The following NEK5 variants were observed in gnomAD, a reference collection of about 807,000 sequenced individuals.
NEK5 encodes the protein serine/threonine-protein kinase Nek5.
Under a neutral mutation model 109.2 loss-of-function variants are expected in NEK5, and 88 were observed. That is an observed-to-expected ratio of 0.81 (90% CI 0.68 to 0.96). The LOEUF (loss-of-function observed/expected upper bound fraction) is 0.96. Ranked by LOEUF, NEK5 falls within the 40% of genes least tolerant of loss-of-function variation. NEK5 has a pLI of 0.00. For synonymous variants in NEK5, 283 were observed against 299.9 expected (o/e 0.94, Z 0.58); for missense variants, 834 against 920.7 (o/e 0.91, Z 1.22).
chr13:52,097,563 T>G (rs1335921683), intron 12 of NEK5, among the ~76,000 whole-genome samples: 1 of 152,238 alleles, frequency 6.6e-6, no homozygotes, highest in African/African-American at 2.4e-5. Flanking sequence ...ACCCTTTGTT[T>G]TGGCTGATTT....
rs778697744 is a variant in NEK5 at position 52,053,265 on chromosome 13, G to A, written c.2111-3044C>T. 3.9e-5 allele frequency among the ~76,000 whole-genome samples: 6 copies of A among 152,012 alleles called. No individual in the cohort carries two copies. The South Asian group carries it at 8.3e-4, about 21-fold the overall frequency. On this transcript the variant is annotated intron_variant, in intron 22 of 23. Transcript: ENST00000684899. ...GCAGTGAGCCGAAACTCCAACCTGC[G>A]TAACAAAGTGAGACTCCGTCTCAAA... is the stretch of plus-strand genomic sequence containing the variant.
chr13:52,128,267 G>T (rs758373247), intron 1 of NEK5, among the ~76,000 whole-genome samples: 5 of 151,914 alleles, frequency 3.3e-5, no homozygotes, highest in Non-Finnish European at 7.4e-5. Context: ...GGTTTACCAA[G>T]AATTGTTCAC....
rs191389198 is a variant in NEK5 at position 52,099,637 on chromosome 13, T to C, written c.1026+106A>G. The C allele has an allele frequency of 2.0e-5, 25 of 1,276,712 alleles. No homozygotes were observed. In the Admixed American group the frequency reaches 4.2e-4, roughly 21 times the overall value. The allele number at this position is 1,276,712 out of a possible 1,614,324, so 79.1% of individuals were successfully genotyped here. On this transcript the variant is annotated intron_variant, in intron 12 of 23. Coordinates refer to ENST00000684899, the MANE Select transcript of NEK5 (RefSeq NM_001365552.1). The stretch of plus-strand genomic sequence containing the variant: ...GTGAGCCGAGATCGCGCCACTGCAC[T>C]CCAGCCTGGCGACAGAGCGAGACTC...
intron 12 of NEK5, among the ~76,000 whole-genome samples, chr13:52,097,989 A>C (rs1286137702): frequency 1.3e-5 from 2 of 151,120 alleles, no homozygotes. Flanking sequence ...AGTGTGTAGC[A>C]CCTCCCCCTT....
At chr13:52,048,126 G>A (rs889827187) in intron 23 of NEK5, among the ~76,000 whole-genome samples, 2 of 152,208 alleles carry the variant, frequency 1.3e-5, no homozygotes, top group African/African-American at 4.8e-5. Context: ...TAAATCACTA[G>A]AAGGAAGATA....
At chr13:52,103,458 T>G (rs554763479) in intron 9 of NEK5, among the ~76,000 whole-genome samples, 2 of 152,248 alleles carry the variant, frequency 1.3e-5, no homozygotes, top group South Asian at 4.1e-4. Flanking sequence ...CACATTTTGG[T>G]CAGACACTGG....
At chr13:52,065,442 T>C (rs1012761461) in intron 21 of NEK5, 42 bp downstream of exon 21, 2 of 1,614,042 alleles carry the variant, frequency 1.2e-6, no homozygotes, top group Non-Finnish European at 1.7e-6. Flanking sequence ...TACGGGTCCT[T>C]GGTCTTCCCT....
At chr13:52,039,332 C>T (rs1954395005) in intron 23 of NEK5, among the ~76,000 whole-genome samples, 1 of 152,160 alleles carries the variant, frequency 6.6e-6, no homozygotes, top group African/African-American at 2.4e-5. Flanking sequence ...GATTGCCAGT[C>T]ATCATGGAGG....
At chr13:52,082,108 G>A (rs565763960) in intron 17 of NEK5, 1 of 185,464 alleles carries the variant, frequency 5.4e-6, no homozygotes, top group East Asian at 1.8e-4. Context: ...CCGAGGTCAG[G>A]AGTTCAAGAC....
intron 15 of NEK5, among the ~76,000 whole-genome samples, 173 bp downstream of exon 15, chr13:52,087,165 T>C (rs148916039): frequency 3.7e-4 from 57 of 152,338 alleles, no homozygotes; most frequent in African/African-American, 1.1e-3. Context: ...AACTTAGCCA[T>C]ATCGCATTAT....
At chr13:52,107,023 C>T (rs1480371487) in intron 8 of NEK5, among the ~76,000 whole-genome samples, 2 of 152,106 alleles carry the variant, frequency 1.3e-5, no homozygotes, top group Non-Finnish European at 2.9e-5. Flanking sequence ...TTCAATCTTT[C>T]TTGCAATAGA....
rs200452383 is a variant in NEK5 at position 52,093,138 on chromosome 13, G to A, written c.1124C>T (p.Pro375Leu). ...TTCTTGAGGAATAGGGTGATAACTTGGTTTGTGGGCTCTCCTCCTCAGCAT... is the reference window on the plus strand; with the variant it reads ...TTCTTGAGGAATAGGGTGATAACTTAGTTTGTGGGCTCTCCTCCTCAGCAT... ...LDMLRRRAHKPSYHPIPQENT... is the reference protein window; with the variant it reads ...LDMLRRRAHKLSYHPIPQENT... The change falls in exon 13 of 24, where the codon CCA becomes CTA. Residue 375 changes from proline to leucine, a missense_variant. Physicochemically the swap from Pro to Leu is moderately conservative, Grantham distance 98 (BLOSUM62 -3). Around this residue, in one of 2 missense-constraint regions of NEK5, gnomAD observed 777 missense variants for 824.7 expected, o/e 0.94. Transcript: ENST00000684899. The A allele has an allele frequency of 8.7e-6, 14 of 1,613,098 alleles. No individual in the cohort carries two copies. The highest frequency in any genetic ancestry group is 1.2e-5 in the Non-Finnish European group (14 of 1,179,258).
At chr13:52,086,501 T>A in intron 15 of NEK5, 138 bp from the exon 16 acceptor site, 1 of 646,736 alleles carries the variant, frequency 1.5e-6, no homozygotes, top group East Asian at 2.7e-5. Context: ...AAGATGATAA[T>A]CTGCCTTATG....
intron 13 of NEK5, among the ~76,000 whole-genome samples, chr13:52,090,298 G>A (rs945153786): frequency 3.3e-5 from 5 of 152,024 alleles, no homozygotes; most frequent in Non-Finnish European, 5.9e-5. Context: ...TAAGTTTTTT[G>A]GAATACGAGT....
intron 20 of NEK5, among the ~76,000 whole-genome samples, chr13:52,066,417 T>C (rs1037904118): frequency 1.3e-5 from 2 of 152,318 alleles, no homozygotes; most frequent in East Asian, 1.9e-4. Context: ...ATTTGCTTTA[T>C]TACAGCTTTT....
At chr13:52,073,669 T>C (rs1159396429) in intron 19 of NEK5, among the ~76,000 whole-genome samples, 1 of 152,000 alleles carries the variant, frequency 6.6e-6, no homozygotes, top group Non-Finnish European at 1.5e-5. Flanking sequence ...GGCATCCAAA[T>C]AAGAAAAGAA....
Position 52,087,279 on chromosome 13 carries a change from A to G in NEK5, c.1392+59T>C, listed in dbSNP as rs142815514. 87 of 878,568 alleles carry G rather than the reference A, an allele frequency of 9.9e-5. No individual in the cohort carries two copies. The African/African-American group carries it at 1.1e-3, about 11-fold the overall frequency. The allele number at this position is 878,568 out of a possible 1,614,324, so 54.4% of individuals were successfully genotyped here. A position where few individuals can be genotyped will look rare whatever the true frequency, so the allele number is the denominator to read the frequency against. On this transcript the variant is annotated intron_variant, in intron 15 of 23. Transcript: ENST00000684899. ...AATAGAAGTAACTCCCTATTACAGT[A>G]CAAAAGACAGTAATACAAAGAAATA...
At chr13:52,091,361 GA>G (rs1365748714) in intron 13 of NEK5, among the ~76,000 whole-genome samples, 3 of 152,240 alleles carry the variant, frequency 2.0e-5, no homozygotes, top group Non-Finnish European at 2.9e-5. Flanking sequence ...GTCCAATATG[GA>G]TATTACAATT....
At chr13:52,093,364 A>G in intron 12 of NEK5, 129 bp from the exon 13 acceptor site, 1 of 594,654 alleles carries the variant, frequency 1.7e-6, no homozygotes, top group Non-Finnish European at 2.9e-6. Context: ...GTTCAAGACC[A>G]GCCTGGCCAA....
Sources: gnomAD v4.1 joint callset for allele counts (sites outside exome capture counted in the v4.1 genomes callset) on GRCh38, gnomAD v4.1.1 for gene constraint, gnomAD v4.1.1 regional missense constraint, MANE v1.5 for transcripts, NCBI Gene and HGNC (gene_info 2026-07-23, HGNC 2026-07-21) for gene names.